NOTCH1: variants seen among roughly 807,000 people sequenced by gnomAD.
NOTCH1 encodes the protein neurogenic locus notch homolog protein 1.
NOTCH1 carries 37 observed loss-of-function variants against 254.8 expected under a neutral mutation model. The observed-to-expected ratio is 0.15, with a 90% CI of 0.11 to 0.19. NOTCH1 has a LOEUF of 0.19. Among genes scored for constraint, NOTCH1 ranks in the 10% least tolerant of loss-of-function variants. The pLI is 1.00. For missense variants in NOTCH1, 2,972 were observed against 3,708.6 expected (o/e 0.80, Z 5.16); for synonymous variants, 1,731 against 1,618.1 (o/e 1.07, Z -1.68).
At chr9:136,504,531 T>A (rs1843046082) in intron 26 of NOTCH1, 142 bp downstream of exon 26, 1 of 935,078 alleles carries the variant, frequency 1.1e-6, no homozygotes, top group Admixed American at 2.9e-5. Flanking sequence ...AAGTCCCAGG[T>A]CCTCTCGGAA....
chr9:136,527,351 C>T (rs1207111502), intron 2 of NOTCH1, among the ~76,000 whole-genome samples: 1 of 152,266 alleles, frequency 6.6e-6, no homozygotes, highest in Admixed American at 6.5e-5. Flanking sequence ...GCCACACCCC[C>T]GGTACCCGGG....
rs1479377696 is a variant in NOTCH1 at position 136,505,553 on chromosome 9, G to A, written c.4343C>T (p.Ala1448Val). 8 of 1,611,256 alleles carry A rather than the reference G, an allele frequency of 5.0e-6. No homozygotes were observed. Among genetic ancestry groups the A allele is most frequent in the Admixed American group, 3.3e-5 (2 of 59,944 alleles). ...CTCCTGGCACTCGGGCAGCTCGCAC[G>A]CCTCCTCGATCAGCGGCGGGGGGAT... ...RDIPPPLIEE[A>V]CELPECQEDA... Residue 1448 changes from alanine to valine, a missense_variant, in exon 25 of 34, where the codon GCG becomes GTG. By Grantham distance (64) the Ala-to-Val change is moderately conservative. Around this residue, in one of 8 missense-constraint regions of NOTCH1, gnomAD observed 1,343 missense variants for 1,557.0 expected, o/e 0.86. Transcript: ENST00000651671.
At chr9:136,509,605 T>G in intron 18 of NOTCH1, 128 bp downstream of exon 18, 2 of 795,886 alleles carry the variant, frequency 2.5e-6, no homozygotes, top group East Asian at 2.6e-5. Flanking sequence ...ATGTCTGGAC[T>G]CAATGCAGCC....
Position 136,496,672 on chromosome 9 carries a change from G to C in NOTCH1, c.7067C>G (p.Ala2356Gly). Residue 2356 changes from alanine to glycine, a missense_variant, in exon 34 of 34, where the codon GCC becomes GGC. By Grantham distance (60) the Ala-to-Gly change is moderately conservative. This residue lies in a region of NOTCH1 where 529 missense variants were observed against 529.2 expected (regional missense o/e 1.00). Coordinates refer to ENST00000651671, the MANE Select transcript of NOTCH1 (RefSeq NM_017617.5). The stretch of plus-strand genomic sequence containing the variant: ...GCTCATCATCTGGGACAGGGCGCTG[G>C]CAGCAAGGCTACTGTGCAGCGGGCC... ...MVGPLHSSLA[A>G]SALSQMMSYQ... The C allele has an allele frequency of 6.2e-7, 1 of 1,612,910 alleles. No individual in the cohort carries two copies. Among genetic ancestry groups the C allele is most frequent in the Non-Finnish European group, 8.5e-7 (1 of 1,179,924 alleles).
rs201620358 is a variant in NOTCH1, at chr9:136,510,659, G to A, written c.2734C>T (p.Arg912Trp). ...GAGCCGCGGGGCTACTCACTGGGCC[G>A]GCAGTCGTCGATGTCGGTCTCGCAG... ...RNCETDIDDCRPNPCHNGGSC... is the reference protein window; with the variant it reads ...RNCETDIDDCWPNPCHNGGSC... Residue 912 changes from arginine to tryptophan, a missense_variant, in exon 17 of 34, where the codon CGG (arginine) becomes TGG (tryptophan). Physicochemically the swap from Arg to Trp is moderately radical, Grantham distance 101 (BLOSUM62 -3). This residue lies in a region of NOTCH1 where 1,343 missense variants were observed against 1,557.0 expected (regional missense o/e 0.86). Coordinates refer to ENST00000651671, the MANE Select transcript of NOTCH1 (RefSeq NM_017617.5). The A allele has an allele frequency of 2.6e-3, 4,190 of 1,605,840 alleles. 8 individuals carry two copies. The highest frequency in any genetic ancestry group is 3.1e-3 in the Non-Finnish European group (3,711 of 1,178,866).
rs776938186 is a variant in NOTCH1, at chr9:136,496,793, T to C, written c.6946A>G (p.Ser2316Gly). ...GQCEWLSRLQSGMVPNQYNPL... is the reference protein window; with the variant it reads ...GQCEWLSRLQGGMVPNQYNPL... ...TTGTATTGGTTCGGCACCATGCCGC[T>C]CTGCAGCCGGGACAGCCACTCGCAT... Residue 2316 changes from serine to glycine, a missense_variant, in exon 34 of 34, where the codon AGC (serine) becomes GGC (glycine). This residue lies in a region of NOTCH1 where 529 missense variants were observed against 529.2 expected (regional missense o/e 1.00). Coordinates refer to ENST00000651671, the MANE Select transcript of NOTCH1 (RefSeq NM_017617.5). 4.3e-6 allele frequency: 7 copies of C among 1,612,872 alleles called. No individual in the cohort carries two copies. The African/African-American group carries it at 8.0e-5, about 18-fold the overall frequency.
In NOTCH1 at chr9:136,499,135, T is replaced by C. The variant is rs2133322608; in HGVS notation, c.6059A>G (p.Asp2020Gly). The change falls in exon 32 of 34, where the codon GAC (aspartate) becomes GGC (glycine). Residue 2020 changes from aspartate to glycine, a missense_variant. Physicochemically the swap from Asp to Gly is moderately conservative, Grantham distance 94. Transcript: ENST00000651671. ...MLEDLINSHA[D>G]VNAVDDLGKS... ...ACCCAGGTCATCTACGGCGTTGACG[T>C]CGGCGTGTGAGTTGATGAGGTCCTC... 2 of 1,613,194 alleles carry C rather than the reference T, an allele frequency of 1.2e-6. No homozygotes were observed. The highest frequency in any genetic ancestry group is 1.7e-6 in the Non-Finnish European group (2 of 1,179,996).
At chr9:136,524,052 C>A (rs1843420455) in intron 2 of NOTCH1, 73 bp from the exon 3 acceptor site, 3 of 1,524,616 alleles carry the variant, frequency 2.0e-6, no homozygotes, top group African/African-American at 2.7e-5. Context: ...GCACCGGGAA[C>A]CTGTCATGGG....
intron 4 of NOTCH1, among the ~76,000 whole-genome samples, chr9:136,522,215 G>A (rs1391955110): frequency 2.0e-5 from 3 of 152,188 alleles, no homozygotes; most frequent in African/African-American, 7.2e-5. Context: ...CTGACCTTGT[G>A]ATCTGCCCAC....
intron 28 of NOTCH1, 67 bp from the exon 29 acceptor site, chr9:136,502,155 C>G (rs1843007866): frequency 6.2e-7 from 1 of 1,603,056 alleles, no homozygotes; most frequent in Admixed American, 1.7e-5. Flanking sequence ...AGACCCCTGG[C>G]CCGGGCCTGG....
intron 1 of NOTCH1, among the ~76,000 whole-genome samples, chr9:136,544,741 G>A (rs1048338643): frequency 2.0e-5 from 3 of 152,158 alleles, no homozygotes; most frequent in African/African-American, 7.2e-5. Flanking sequence ...CCCCGCCTCC[G>A]CCGACACCCA....
In NOTCH1 at chr9:136,495,579, G is replaced by T; in HGVS notation, c.*492C>A. 5.0e-6 allele frequency: 2 copies of T among 400,326 alleles called. No homozygotes were observed. Among genetic ancestry groups the T allele is most frequent in the Non-Finnish European group, 8.8e-6 (2 of 227,128 alleles). 24.8% of individuals were successfully genotyped at this position (400,326 alleles called of 1,614,324 possible). A position where few individuals can be genotyped will look rare whatever the true frequency, so the allele number is the denominator to read the frequency against. On this transcript the variant is annotated 3_prime_UTR_variant, in exon 34 of 34. Transcript: ENST00000651671. ...CTAACAGGCAGGTGATGCTGGTGGA[G>T]CGGCCGGGCTGGCTTGGGGTTGGGT...
rs3124591 is a variant in NOTCH1, at chr9:136,495,945, C to T, written c.*126G>A. 0.55 allele frequency: 558,458 copies of T among 1,023,792 alleles called. 159,978 individuals are homozygous for T. Among genetic ancestry groups the T allele is most frequent in the East Asian group, 0.91 (34,365 of 37,878 alleles). The allele number at this position is 1,023,792 out of a possible 1,614,324, so 63.4% of individuals were successfully genotyped here. On this transcript the variant is annotated 3_prime_UTR_variant, in exon 34 of 34. Coordinates refer to ENST00000651671, the MANE Select transcript of NOTCH1 (RefSeq NM_017617.5). ...AAATACTAAAAAAAATTAAAATCCTCGTTCTTATTTTGTATAAAAACATGT... is the reference window on the plus strand; with the variant it reads ...AAATACTAAAAAAAATTAAAATCCTTGTTCTTATTTTGTATAAAAACATGT...
In NOTCH1 at chr9:136,506,705, G is replaced by A. The variant is rs768719625; in HGVS notation, c.3901+11C>T. 111 of 1,596,910 alleles carry A rather than the reference G, an allele frequency of 7.0e-5. No individual in the cohort carries two copies. In the East Asian group the frequency reaches 2.0e-3, roughly 29 times the overall value. ...CCCCACACGCCCCACCCGCCTGGGC[G>A]CGGCACCCACCGGTGTGACCAGCAC... On this transcript the variant is annotated intron_variant, in intron 23 of 33. Transcript: ENST00000651671. This position sits in a 1 kb window ranked among gnomAD's most constrained non-coding sequence, Gnocchi z 4.5.
At position 136,499,109 on chromosome 9, in the gene NOTCH1, C is replaced by T. The variant is rs1402431855; in HGVS notation, c.6082+3G>A. 1.2e-6 allele frequency: 2 copies of T among 1,613,014 alleles called. No individual in the cohort carries two copies. The highest frequency in any genetic ancestry group is 1.6e-4 in the Middle Eastern group (1 of 6,084). ...CAGAGCAGCCGTGCCCCCGTGGGCT[C>T]ACCCAGGTCATCTACGGCGTTGACG... On this transcript the variant is annotated splice_donor_region_variant and intron_variant, in intron 32 of 33. Coordinates refer to ENST00000651671, the MANE Select transcript of NOTCH1 (RefSeq NM_017617.5).
At chr9:136,507,023 T>C (rs980606591) in intron 22 of NOTCH1, 50 bp from the exon 23 acceptor site, 24 of 1,583,236 alleles carry the variant, frequency 1.5e-5, no homozygotes, top group Non-Finnish European at 2.0e-5. Flanking sequence ...ACCCCGGCCC[T>C]GCCGTGCCGC....
In NOTCH1 at chr9:136,500,694, G is replaced by A. The variant is rs2133326116; in HGVS notation, c.5792C>T (p.Ala1931Val). The change falls in exon 31 of 34, where the codon GCC becomes GTC. Residue 1931 changes from alanine (A) to valine (V), a missense_variant. Physicochemically the swap from Ala to Val is moderately conservative, Grantham distance 64 (BLOSUM62 0). This residue lies in a region of NOTCH1 where 421 missense variants were observed against 604.4 expected (regional missense o/e 0.70). Transcript: ENST00000651671. ...HNQTDRTGET[A>V]LHLAARYSRS... ...TGAGTAGCGGGCGGCCAGGTGCAAGGCGGTCTCGCCCGTGCGGTCTGTCTG... is the reference window on the plus strand; with the variant it reads ...TGAGTAGCGGGCGGCCAGGTGCAAGACGGTCTCGCCCGTGCGGTCTGTCTG... The A allele has an allele frequency of 6.2e-7, 1 of 1,610,690 alleles. No individual in the cohort carries two copies. Among genetic ancestry groups the A allele is most frequent in the Non-Finnish European group, 8.5e-7 (1 of 1,179,912 alleles).
intron 2 of NOTCH1, among the ~76,000 whole-genome samples, chr9:136,525,217 C>T (rs1843440292): frequency 6.6e-6 from 1 of 152,186 alleles, no homozygotes; most frequent in African/African-American, 2.4e-5. Context: ...TGCCCCTCAC[C>T]CCGGACACAC....
At chr9:136,502,975 T>A (rs1313228972) in intron 27 of NOTCH1, 1 of 737,134 alleles carries the variant, frequency 1.4e-6, no homozygotes, top group African/African-American at 1.7e-5. Flanking sequence ...GCTGGACTCG[T>A]TCCCAGGTGG....
Sources: gnomAD v4.1 joint callset for allele counts (sites outside exome capture counted in the v4.1 genomes callset) on GRCh38, gnomAD v4.1.1 for gene constraint, gnomAD v4.1.1 regional missense constraint, Gnocchi (gnomAD v3.1) non-coding constraint, MANE v1.5 for transcripts, NCBI Gene and HGNC (gene_info 2026-07-23, HGNC 2026-07-21) for gene names.